Variants in STAT5B observed in about 807,000 individuals in gnomAD.
STAT5B encodes signal transducer and activator of transcription 5B, also known as transcription factor STAT5B.
A neutral mutation model predicts 107.8 loss-of-function variants in STAT5B; 21 were observed. The ratio of observed to expected loss-of-function variants is 0.19; its 90% confidence interval spans 0.14 to 0.28. The LOEUF is 0.28. STAT5B is among the 10% of genes least tolerant of loss of function. STAT5B has a pLI of 1.00. For synonymous variants in STAT5B, 325 were observed against 401.7 expected (o/e 0.81, Z 2.28); for missense variants, 565 against 1,008.2 (o/e 0.56, Z 5.95).
intron 9 of STAT5B, chr17:42,217,795 C>A: frequency 2.3e-6 from 1 of 440,380 alleles, no homozygotes; most frequent in South Asian, 2.1e-5. Flanking sequence ...ATCTCTGCCT[C>A]CCAGGTTCAA....
chr17:42,210,039 A>G, intron 15 of STAT5B, 132 bp downstream of exon 15: 1 of 1,369,778 alleles, frequency 7.3e-7, no homozygotes, highest in Non-Finnish European at 1.0e-6. Flanking sequence ...TGAGTATGTC[A>G]TGGCTATACA....
intron 3 of STAT5B, among the ~76,000 whole-genome samples, chr17:42,225,618 T>C (rs2080266909): frequency 6.6e-6 from 1 of 152,248 alleles, no homozygotes; most frequent in African/African-American, 2.4e-5. Flanking sequence ...TGGCATCGTT[T>C]TGCATAGAAT....
At chr17:42,271,879 T>C (rs569858204) in intron 1 of STAT5B, 2 of 152,318 alleles carry the variant, frequency 1.3e-5, no homozygotes, top group East Asian at 3.9e-4. Flanking sequence ...TTAACTTCAT[T>C]TGCAAATTGA....
intron 13 of STAT5B, among the ~76,000 whole-genome samples, chr17:42,211,654 A>C (rs1428274476): frequency 1.3e-5 from 2 of 152,200 alleles, no homozygotes; most frequent in Non-Finnish European, 2.9e-5. Flanking sequence ...AACATAAGAG[A>C]GTAAAGGGGA....
intron 17 of STAT5B, 97 bp downstream of exon 17, chr17:42,202,660 G>A (rs577663080): frequency 2.3e-5 from 36 of 1,594,962 alleles, no homozygotes; most frequent in Middle Eastern, 2.2e-4. Flanking sequence ...CAGTTTCCCC[G>A]GGGGAGCGGA....
intron 1 of STAT5B, among the ~76,000 whole-genome samples, chr17:42,239,618 T>A (rs912604995): frequency 6.6e-6 from 1 of 152,218 alleles, no homozygotes; most frequent in Non-Finnish European, 1.5e-5. Context: ...CTACTCTTTA[T>A]CCTAAATCCC....
In STAT5B at chr17:42,201,492, TGAGA is replaced by T; in HGVS notation, c.*242_*245del. The T allele has an allele frequency of 3.2e-6, 2 of 621,550 alleles. No homozygotes were observed. The highest frequency in any genetic ancestry group is 5.8e-6 in the Non-Finnish European group (2 of 342,418). The allele number at this position is 621,550 out of a possible 1,614,324, so 38.5% of individuals were successfully genotyped here. On this transcript the variant is annotated 3_prime_UTR_variant, in exon 19 of 19. Transcript: ENST00000293328. ...CTGCTACAACTAAACTCTCAGACAGTGAGAGGGAGAAACACCATAACGTGCAAAC... is the reference window on the plus strand; with the variant it reads ...CTGCTACAACTAAACTCTCAGACAGTGGGAGAAACACCATAACGTGCAAAC...
chr17:42,283,452 C>T, the STAT5B span, among the ~76,000 whole-genome samples: 1 of 152,232 alleles, frequency 6.6e-6, no homozygotes, highest in African/African-American at 2.4e-5. Flanking sequence ...AACCGGCCTA[C>T]AAGCCTCTCC....
At chr17:42,277,320 CAA>C (rs1284849499), upstream of STAT5B, among the ~76,000 whole-genome samples, 2 of 151,998 alleles carry the variant, frequency 1.3e-5, no homozygotes, top group African/African-American at 4.8e-5. Flanking sequence ...CTGCAGGGGC[CAA>C]AAGAGAGAGA....
intron 16 of STAT5B, among the ~76,000 whole-genome samples, chr17:42,206,786 G>A (rs2080088677): frequency 6.6e-6 from 1 of 151,764 alleles, no homozygotes; most frequent in Admixed American, 6.6e-5. Context: ...CGTTGGTCAG[G>A]CTGGTCTTGA....
At chr17:42,276,440 CG>C (rs1232489520), upstream of STAT5B, 3 of 147,460 alleles carry the variant, frequency 2.0e-5, no homozygotes, top group Non-Finnish European at 4.5e-5. The surrounding 1 kb of genome is among the most constrained non-coding windows in gnomAD (Gnocchi z 4.8). Context: ...CGCTCACGCG[CG>C]GAGGCCCAGG....
At chr17:42,287,498 C>T in the STAT5B span, 2 of 152,492 alleles carry the variant, frequency 1.3e-5, no homozygotes, top group Admixed American at 1.3e-4. Flanking sequence ...TTACCAAACC[C>T]CTTGGGCCTC....
At chr17:42,243,835 T>C (rs998947485) in intron 1 of STAT5B, among the ~76,000 whole-genome samples, 8 of 152,226 alleles carry the variant, frequency 5.3e-5, no homozygotes, top group Admixed American at 3.9e-4. Context: ...GCCACCAGCA[T>C]GCAAGTTGGG....
intron 12 of STAT5B, among the ~76,000 whole-genome samples, chr17:42,215,621 C>CTTTTTTTTTTTTTTTTTTTTTTTT (rs767262431): frequency 6.6e-6 from 1 of 151,098 alleles, no homozygotes; most frequent in East Asian, 1.9e-4. Flanking sequence ...TTTTCCTATG[C>CTTTTTTTTTTTTTTTTTTTTTTTT]TTTTTTTTTA....
intron 1 of STAT5B, among the ~76,000 whole-genome samples, chr17:42,232,769 T>C (rs1567665797): frequency 6.6e-6 from 1 of 152,220 alleles, no homozygotes; most frequent in East Asian, 1.9e-4. Flanking sequence ...CGTAGACATA[T>C]TCTTTACTTT....
chr17:42,284,327 C>T, the STAT5B span, among the ~76,000 whole-genome samples: 6 of 151,550 alleles, frequency 4.0e-5, no homozygotes, highest in South Asian at 1.0e-3. Context: ...AGTGCAACGG[C>T]GTGATCTCAG....
chr17:42,217,024 G>T, intron 11 of STAT5B, 136 bp downstream of exon 11: 1 of 1,450,908 alleles, frequency 6.9e-7, no homozygotes, highest in African/African-American at 1.4e-5. Flanking sequence ...TTCTCAGGGT[G>T]AGGTCAGTCC....
Position 42,217,344 on chromosome 17 carries a change from A to G in STAT5B, c.1257+33T>C, listed in dbSNP as rs766008955. The G allele has an allele frequency of 3.1e-6, 5 of 1,614,232 alleles. No homozygotes were observed. The South Asian group carries it at 5.5e-5, about 18-fold the overall frequency. On this transcript the variant is annotated intron_variant, in intron 10 of 18. Coordinates refer to ENST00000293328, the MANE Select transcript of STAT5B (RefSeq NM_012448.4). The stretch of plus-strand genomic sequence containing the variant: ...AAGTTGTTCCCCTCAAAGACCAGGG[A>G]AAAATTCATTCTTCCTCTTCTTCCA...
intron 1 of STAT5B, chr17:42,271,284 G>A (rs2144431763): frequency 6.6e-6 from 1 of 152,382 alleles, no homozygotes; most frequent in Non-Finnish European, 1.5e-5. Context: ...TCATTACAGG[G>A]TAAAGCCAAA....
Sources: allele counts gnomAD v4.1 joint callset (sites outside exome capture counted in the v4.1 genomes callset), GRCh38; gene constraint gnomAD v4.1.1; non-coding constraint Gnocchi (gnomAD v3.1); transcripts MANE v1.5; gene names NCBI Gene and HGNC (gene_info 2026-07-23, HGNC 2026-07-21).